Variants in ADGRL3 observed in about 807,000 individuals in gnomAD.
ADGRL3 encodes the protein adhesion G protein-coupled receptor L3, also known as calcium-independent alpha-latrotoxin receptor 3.
A neutral mutation model predicts 153.5 loss-of-function variants in ADGRL3; 62 were observed. The ratio of observed to expected loss-of-function variants is 0.40; its 90% CI spans 0.33 to 0.50. The LOEUF (loss-of-function observed/expected upper bound fraction) is 0.50, where lower values mean the gene tolerates loss of function less well. ADGRL3 is among the 20% of genes least tolerant of loss of function. The pLI is 0.47. For missense variants in ADGRL3, 1,641 were observed against 1,859.4 expected (o/e 0.88, Z 2.16); for synonymous variants, 710 against 672.5 (o/e 1.06, Z -0.86).
At chr4:61,932,202 T>A (rs2098820502) in intron 13 of ADGRL3, among the ~76,000 whole-genome samples, 1 of 152,112 alleles carries the variant, frequency 6.6e-6, no homozygotes, top group African/African-American at 2.4e-5. Flanking sequence ...TTGCTCTGGC[T>A]AAGGACTTCA....
At chr4:61,783,710 TG>T (rs1257183550) in intron 8 of ADGRL3, among the ~76,000 whole-genome samples, 1 of 152,054 alleles carries the variant, frequency 6.6e-6, no homozygotes, top group Non-Finnish European at 1.5e-5. Flanking sequence ...GCAACAAACT[TG>T]AAGAGTCAAG....
At chr4:61,406,103 T>C (rs2096992034) in intron 2 of ADGRL3, among the ~76,000 whole-genome samples, 1 of 151,968 alleles carries the variant, frequency 6.6e-6, no homozygotes, top group Non-Finnish European at 1.5e-5. Flanking sequence ...ATCTACTGTC[T>C]GTGTATGCAT....
chr4:61,382,585 T>C (rs2151912343), intron 1 of ADGRL3, among the ~76,000 whole-genome samples: 1 of 151,892 alleles, frequency 6.6e-6, no homozygotes, highest in Non-Finnish European at 1.5e-5. Flanking sequence ...TGTTTATTTC[T>C]TTCTATTTTT....
Position 61,949,200 on chromosome 4 carries a change from C to T in ADGRL3, c.2805+924C>T, listed in dbSNP as rs2150328442. On this transcript the variant is annotated intron_variant, in intron 17 of 26. Transcript: ENST00000683033. Reference sequence around the variant, plus strand: ...AATGCAAATATCTTGCTTTCCTCATCTCAATGGTTAAGAACTGAGGCTGAC... The same window carrying T: ...AATGCAAATATCTTGCTTTCCTCATTTCAATGGTTAAGAACTGAGGCTGAC... Among the ~76,000 whole-genome samples the T allele has an allele frequency of 1.3e-5, 2 of 152,240 alleles. 1 individual carries two copies. The highest frequency in any genetic ancestry group is 4.1e-4 in the South Asian group (2 of 4,822).
At chr4:61,346,865 T>A (rs1377281746) in intron 1 of ADGRL3, among the ~76,000 whole-genome samples, 2 of 151,898 alleles carry the variant, frequency 1.3e-5, no homozygotes, top group African/African-American at 2.4e-5. Context: ...GTTATTAGTG[T>A]TGGACAAAAA....
At chr4:61,873,041 A>C (rs193042648) in intron 9 of ADGRL3, among the ~76,000 whole-genome samples, 1 of 152,336 alleles carries the variant, frequency 6.6e-6, no homozygotes, top group African/African-American at 2.4e-5. Flanking sequence ...AGGAAGATAA[A>C]ACTTGTTTCA....
intron 8 of ADGRL3, among the ~76,000 whole-genome samples, chr4:61,767,247 A>G (rs898409858): frequency 8.6e-5 from 13 of 152,042 alleles, no homozygotes; most frequent in African/African-American, 2.2e-4. Context: ...AGGGAAGCAG[A>G]TAATTTAGTT....
At chr4:61,429,270 C>T (rs1434790673) in intron 2 of ADGRL3, among the ~76,000 whole-genome samples, 2 of 152,260 alleles carry the variant, frequency 1.3e-5, no homozygotes, top group Non-Finnish European at 2.9e-5. Context: ...AGTAAATATT[C>T]ATATCTGAAT....
At chr4:61,846,948 A>ATGTGTGTG (rs72301670) in intron 9 of ADGRL3, among the ~76,000 whole-genome samples, 1 of 145,912 alleles carries the variant, frequency 6.9e-6, no homozygotes, top group African/African-American at 2.6e-5. Context: ...TTTATATATT[A>ATGTGTGTG]TGTGTGTGTG....
Position 61,643,241 on chromosome 4 carries a change from C to G in ADGRL3, c.474-33585C>G, listed in dbSNP as rs2093778652. On this transcript the variant is annotated intron_variant, in intron 5 of 26. Coordinates refer to ENST00000683033, the MANE Select transcript of ADGRL3 (RefSeq NM_001387552.1). The stretch of plus-strand genomic sequence containing the variant: ...CAATCATGTTGTCTGCAAACAGGGA[C>G]AATTTGACTTCCTCTTTTCCTAATT... Among the ~76,000 whole-genome samples the G allele has an allele frequency of 1.1e-4, 17 of 152,008 alleles. No homozygotes were observed. The South Asian group carries it at 3.5e-3, about 32-fold the overall frequency.
chr4:61,213,965 T>C (rs1243119576), intron 1 of ADGRL3, among the ~76,000 whole-genome samples: 1 of 152,178 alleles, frequency 6.6e-6, no homozygotes, highest in East Asian at 1.9e-4. Flanking sequence ...TTGCCTTCTG[T>C]ATAACTGGTC....
chr4:61,308,106 C>T (rs2094864907), intron 1 of ADGRL3, among the ~76,000 whole-genome samples: 1 of 152,144 alleles, frequency 6.6e-6, no homozygotes, highest in African/African-American at 2.4e-5. Context: ...GAAAAAGTTG[C>T]TTATGAGCAT....
chr4:61,362,707 G>C (rs970073242), intron 1 of ADGRL3, among the ~76,000 whole-genome samples: 7 of 152,138 alleles, frequency 4.6e-5, no homozygotes, highest in African/African-American at 1.7e-4. Context: ...GGCAGAAGAA[G>C]AGTAGGGCTG....
chr4:61,358,826 C>G (rs962790947), intron 1 of ADGRL3, among the ~76,000 whole-genome samples: 2 of 151,994 alleles, frequency 1.3e-5, no homozygotes, highest in Non-Finnish European at 2.9e-5. Flanking sequence ...GTCTCTTCTA[C>G]TTTAACATTA....
At chr4:61,364,742 G>T (rs527739181) in intron 1 of ADGRL3, among the ~76,000 whole-genome samples, 1 of 152,312 alleles carries the variant, frequency 6.6e-6, no homozygotes, top group East Asian at 1.9e-4. Flanking sequence ...GTTGGAGTTA[G>T]AGATGAAGAC....
At chr4:61,467,473 T>C (rs2097899377) in intron 2 of ADGRL3, among the ~76,000 whole-genome samples, 1 of 151,574 alleles carries the variant, frequency 6.6e-6, no homozygotes, top group South Asian at 2.1e-4. Context: ...ATTTCAGATG[T>C]GGGTGTGTGT....
chr4:61,607,646 C>A (rs1314825779), intron 5 of ADGRL3, among the ~76,000 whole-genome samples: 1 of 152,122 alleles, frequency 6.6e-6, no homozygotes. Flanking sequence ...GTGATATTAC[C>A]TACAATTGAA....
At chr4:61,257,537 G>T (rs762076188) in intron 1 of ADGRL3, among the ~76,000 whole-genome samples, 1 of 151,898 alleles carries the variant, frequency 6.6e-6, no homozygotes, top group Non-Finnish European at 1.5e-5. Context: ...AGAAGATTAG[G>T]GTTCTTTGAA....
At chr4:61,205,137 A>G in intron 1 of ADGRL3, among the ~76,000 whole-genome samples, 1 of 152,214 alleles carries the variant, frequency 6.6e-6, no homozygotes, top group East Asian at 1.9e-4. Context: ...TAGTAGATTA[A>G]AAAGACTATA....
Sources: allele counts gnomAD v4.1 joint callset (sites outside exome capture counted in the v4.1 genomes callset), GRCh38; gene constraint gnomAD v4.1.1; transcripts MANE v1.5; gene names NCBI Gene and HGNC (gene_info 2026-07-23, HGNC 2026-07-21).